Variants in EXOC6B observed in about 807,000 individuals in gnomAD.
The protein encoded by EXOC6B is SEC15 homolog B.
EXOC6B carries 54 observed loss-of-function variants against 113.5 expected under a neutral mutation model. The observed-to-expected ratio is 0.48, with a 90% CI of 0.38 to 0.60. The LOEUF (loss-of-function observed/expected upper bound fraction) is 0.60, where lower values mean the gene tolerates loss of function less well. Ranked by LOEUF, EXOC6B falls within the 20% of genes least tolerant of loss-of-function variation. EXOC6B has a pLI of 0.00. For synonymous variants in EXOC6B, 357 were observed against 339.0 expected (o/e 1.05, Z -0.58); for missense variants, 797 against 977.5 (o/e 0.82, Z 2.46).
intron 6 of EXOC6B, among the ~76,000 whole-genome samples, chr2:72,629,638 T>C (rs1475597189): frequency 7.9e-5 from 12 of 152,200 alleles, no homozygotes; most frequent in Non-Finnish European, 1.5e-4. Flanking sequence ...TCATCTATCA[T>C]TGTGCCTTAT....
rs149515952 is a variant in EXOC6B at position 72,493,801 on chromosome 2, G to A, written c.1554-1372C>T. Reference sequence around the variant, plus strand: ...TGTATAATGCTTTTTGGCCTCTTCTGTCTAGTGTAAAAGAGAAAACTAAGA... The same window carrying A: ...TGTATAATGCTTTTTGGCCTCTTCTATCTAGTGTAAAAGAGAAAACTAAGA... On this transcript the variant is annotated intron_variant, in intron 15 of 21. Coordinates refer to ENST00000272427, the MANE Select transcript of EXOC6B (RefSeq NM_015189.3). Among the ~76,000 whole-genome samples, 986 of 152,112 alleles carry A rather than the reference G, an allele frequency of 6.5e-3. 9 individuals are homozygous for A. The highest frequency in any genetic ancestry group is 0.02 in the Middle Eastern group (6 of 294).
intron 18 of EXOC6B, among the ~76,000 whole-genome samples, chr2:72,432,180 G>C (rs1265652562): frequency 6.6e-6 from 1 of 151,870 alleles, no homozygotes; most frequent in Non-Finnish European, 1.5e-5. Context: ...GGGACTACAG[G>C]CACACACCAC....
intron 20 of EXOC6B, among the ~76,000 whole-genome samples, chr2:72,290,728 C>A (rs1171634515): frequency 1.3e-5 from 2 of 151,860 alleles, no homozygotes; most frequent in Non-Finnish European, 2.9e-5. Context: ...CAATTAAAAA[C>A]TTCAGACAAC....
chr2:72,268,769 C>A (rs1250083369), intron 20 of EXOC6B, among the ~76,000 whole-genome samples: 2 of 151,972 alleles, frequency 1.3e-5, no homozygotes, highest in Non-Finnish European at 2.9e-5. Flanking sequence ...TGTGGCACCT[C>A]CCCACCTCTG....
intron 1 of EXOC6B, among the ~76,000 whole-genome samples, chr2:72,779,646 C>T (rs1052594117): frequency 3.9e-5 from 6 of 152,154 alleles, no homozygotes; most frequent in African/African-American, 1.4e-4. Context: ...CCACACCCCA[C>T]AGCCATAAAA....
At chr2:72,730,271 T>C (rs573482469) in intron 5 of EXOC6B, among the ~76,000 whole-genome samples, 3 of 152,302 alleles carry the variant, frequency 2.0e-5, no homozygotes, top group Non-Finnish European at 4.4e-5. Context: ...GTTTCTGTGA[T>C]GGTATTTTTT....
chr2:72,472,208 T>A (rs1698454071), intron 17 of EXOC6B, among the ~76,000 whole-genome samples: 1 of 152,186 alleles, frequency 6.6e-6, no homozygotes, highest in African/African-American at 2.4e-5. Flanking sequence ...GGTTTTGGTA[T>A]CAGGGTAATG....
At chr2:72,187,833 T>C (rs1572964832) in intron 20 of EXOC6B, among the ~76,000 whole-genome samples, 1 of 152,274 alleles carries the variant, frequency 6.6e-6, no homozygotes, top group East Asian at 1.9e-4. Context: ...ACCTGCCCCA[T>C]TCTGCCCAGG....
At chr2:72,288,276 A>G (rs372923230) in intron 20 of EXOC6B, among the ~76,000 whole-genome samples, 194 of 152,300 alleles carry the variant, frequency 1.3e-3, no homozygotes, top group Non-Finnish European at 2.5e-3. Flanking sequence ...AGCTACATAC[A>G]TAGATTCCAT....
Position 72,515,378 on chromosome 2 carries a change from A to G in EXOC6B, c.916-252T>C. The G allele has an allele frequency of 1.7e-6, 2 of 1,151,552 alleles. 1 individual carries two copies. Among genetic ancestry groups the G allele is most frequent in the South Asian group, 4.7e-5 (2 of 42,980 alleles). The allele number at this position is 1,151,552 out of a possible 1,614,324, so 71.3% of individuals were successfully genotyped here. ...CCTACCAGAACTTAATCACCAGCAC[A>G]CCAAAGCTGGTTTCTGAATCAACTG... On this transcript the variant is annotated intron_variant, in intron 8 of 21. Transcript: ENST00000272427.
At chr2:72,438,710 A>C (rs1018371682) in intron 18 of EXOC6B, among the ~76,000 whole-genome samples, 1 of 152,188 alleles carries the variant, frequency 6.6e-6, no homozygotes, top group Non-Finnish European at 1.5e-5. Context: ...AATCACCTTC[A>C]TTATTATGGT....
At chr2:72,324,019 A>T (rs1687991982) in intron 20 of EXOC6B, among the ~76,000 whole-genome samples, 1 of 152,258 alleles carries the variant, frequency 6.6e-6, no homozygotes, top group East Asian at 1.9e-4. Flanking sequence ...ATTTAAAAAA[A>T]AAGTTAAATA....
At chr2:72,602,456 C>G (rs1670492300) in intron 6 of EXOC6B, among the ~76,000 whole-genome samples, 1 of 152,136 alleles carries the variant, frequency 6.6e-6, no homozygotes, top group Non-Finnish European at 1.5e-5. Context: ...ATAATATTCT[C>G]TCACCAATAG....
At chr2:72,531,124 C>G (rs895885238) in intron 8 of EXOC6B, among the ~76,000 whole-genome samples, 4 of 151,986 alleles carry the variant, frequency 2.6e-5, no homozygotes, top group African/African-American at 9.7e-5. Context: ...TATGTTCATT[C>G]TCTTTGCTTT....
chr2:72,705,276 A>G (rs1417915802), intron 6 of EXOC6B, among the ~76,000 whole-genome samples: 5 of 152,134 alleles, frequency 3.3e-5, no homozygotes, highest in African/African-American at 1.2e-4. Context: ...AAATTCAACA[A>G]CGCTTCATGC....
rs75452542 is a variant in EXOC6B, at chr2:72,240,749, T to C, written c.2197-56562A>G. ...ACAAAAGAAACACATTTAAACCATGTAGCATAAGTTAAAAAGAGAAATAAT... is the reference window on the plus strand; with the variant it reads ...ACAAAAGAAACACATTTAAACCATGCAGCATAAGTTAAAAAGAGAAATAAT... On this transcript the variant is annotated intron_variant, in intron 20 of 21. Transcript: ENST00000272427. 8.3e-3 allele frequency among the ~76,000 whole-genome samples: 1,260 copies of C among 152,352 alleles called. 8 individuals carry two copies. The highest frequency in any genetic ancestry group is 0.013 in the Non-Finnish European group (865 of 68,030).
intron 19 of EXOC6B, among the ~76,000 whole-genome samples, chr2:72,367,572 C>T (rs1572978320): frequency 6.7e-6 from 1 of 150,082 alleles, no homozygotes; most frequent in African/African-American, 2.4e-5. Context: ...GGCACAAGAA[C>T]CAAAAATCAG....
chr2:72,569,299 C>T (rs914067801), intron 7 of EXOC6B, among the ~76,000 whole-genome samples: 1 of 151,006 alleles, frequency 6.6e-6, no homozygotes, highest in Non-Finnish European at 1.5e-5. Context: ...TATGAAATAT[C>T]AAGGACTATT....
intron 20 of EXOC6B, among the ~76,000 whole-genome samples, chr2:72,189,857 C>CTT (rs1678708947): frequency 1.3e-5 from 1 of 76,264 alleles, no homozygotes; most frequent in Non-Finnish European, 2.4e-5. Context: ...TCTCCTTCTT[C>CTT]TTCTTTTTTT....
Sources: gnomAD v4.1 joint callset for allele counts (sites outside exome capture counted in the v4.1 genomes callset) on GRCh38, gnomAD v4.1.1 for gene constraint, MANE v1.5 for transcripts, NCBI Gene and HGNC (gene_info 2026-07-23, HGNC 2026-07-21) for gene names.